Variants in ST6GAL2 observed in about 807,000 individuals in gnomAD.
The protein encoded by ST6GAL2 is beta-galactoside alpha-2,6-sialyltransferase 2.
Under a neutral mutation model 37.5 loss-of-function variants are expected in ST6GAL2, and 24 were observed. The ratio of observed to expected loss-of-function variants is 0.64; its 90% confidence interval spans 0.46 to 0.90. ST6GAL2 has a LOEUF of 0.90. Among genes scored for constraint, ST6GAL2 ranks in the 40% least tolerant of loss-of-function variants. The pLI is 0.00. For synonymous variants in ST6GAL2, 306 were observed against 295.1 expected (o/e 1.04, Z -0.38); for missense variants, 715 against 712.7 (o/e 1.00, Z -0.04).
In ST6GAL2 at chr2:106,821,315, A is replaced by T. The variant is rs569308386; in HGVS notation, c.1318+8751T>A. Among the ~76,000 whole-genome samples the T allele has an allele frequency of 9.4e-4, 142 of 151,648 alleles. No individual in the cohort carries two copies. The Middle Eastern group carries it at 0.014, about 15-fold the overall frequency. ...TGAAAAAGGAGACATAATACAACTG[A>T]TGTCACAAAAATCCAAAGGGTCATT... On this transcript the variant is annotated intron_variant, in intron 5 of 5. Coordinates refer to ENST00000409382, the MANE Select transcript of ST6GAL2 (RefSeq NM_001142351.2).
rs114592914 is a variant in ST6GAL2 at position 106,848,584 on chromosome 2, G to A, written c.-57-4550C>T. 7.3e-3 allele frequency among the ~76,000 whole-genome samples: 1,106 copies of A among 152,298 alleles called. 17 individuals carry two copies. Among genetic ancestry groups the A allele is most frequent in the African/African-American group, 0.025 (1,037 of 41,542 alleles). The stretch of plus-strand genomic sequence containing the variant: ...AGGAGCTCAAAATCTCTGGCCTAGA[G>A]GGCTTGGGGCTGAGAGCCAGTGCCC... On this transcript the variant is annotated intron_variant, in intron 1 of 5. Transcript: ENST00000409382.
At chr2:106,857,807 G>A (rs1677638160) in intron 1 of ST6GAL2, among the ~76,000 whole-genome samples, 1 of 152,110 alleles carries the variant, frequency 6.6e-6, no homozygotes, top group Non-Finnish European at 1.5e-5. Flanking sequence ...GCAGGTGTGA[G>A]CAGCACGGCC....
At chr2:106,864,998 ATAGCC>A (rs1465610025) in intron 1 of ST6GAL2, among the ~76,000 whole-genome samples, 3 of 152,124 alleles carry the variant, frequency 2.0e-5, no homozygotes, top group South Asian at 2.1e-4. Flanking sequence ...CGCTTCCACT[ATAGCC>A]AATTTCAAAC....
intron 5 of ST6GAL2, among the ~76,000 whole-genome samples, chr2:106,810,358 T>C (rs1308308901): frequency 6.6e-6 from 1 of 152,262 alleles, no homozygotes; most frequent in East Asian, 1.9e-4. Context: ...AGTTAGCTCA[T>C]GGCAGTCCAA....
At chr2:106,849,246 C>A (rs1355370071) in intron 1 of ST6GAL2, among the ~76,000 whole-genome samples, 7 of 151,986 alleles carry the variant, frequency 4.6e-5, no homozygotes, top group Non-Finnish European at 8.8e-5. Context: ...ACCCAACAGA[C>A]CCCCTCATGG....
chr2:106,808,415 T>C (rs1448795794), intron 5 of ST6GAL2, among the ~76,000 whole-genome samples: 1 of 152,224 alleles, frequency 6.6e-6, no homozygotes, highest in Non-Finnish European at 1.5e-5. Context: ...AAGGGGATTA[T>C]GCACTTCAAA....
At chr2:106,859,881 TAAAA>T (rs201807631) in intron 1 of ST6GAL2, among the ~76,000 whole-genome samples, 8 of 148,612 alleles carry the variant, frequency 5.4e-5, no homozygotes, top group Non-Finnish European at 1.0e-4. Flanking sequence ...TACTTCAAAT[TAAAA>T]AAAAAAATTA....
intron 5 of ST6GAL2, among the ~76,000 whole-genome samples, chr2:106,814,439 C>T (rs1367004390): frequency 6.6e-6 from 1 of 151,598 alleles, no homozygotes; most frequent in Non-Finnish European, 1.5e-5. Flanking sequence ...AGTGTTTGCA[C>T]CTGTAAGCTT....
intron 1 of ST6GAL2, among the ~76,000 whole-genome samples, chr2:106,858,909 C>A (rs1320832664): frequency 2.0e-5 from 3 of 151,970 alleles, no homozygotes; most frequent in African/African-American, 7.2e-5. Context: ...GGGAGGACAG[C>A]CAGATGGGCC....
At chr2:106,838,084 G>T (rs1323412981) in intron 2 of ST6GAL2, among the ~76,000 whole-genome samples, 1 of 152,148 alleles carries the variant, frequency 6.6e-6, no homozygotes, top group African/African-American at 2.4e-5. Context: ...ACCTGGCTGT[G>T]CATTCCTTGA....
chr2:106,814,907 T>A (rs1227495829), intron 5 of ST6GAL2, among the ~76,000 whole-genome samples: 1 of 152,188 alleles, frequency 6.6e-6, no homozygotes, highest in East Asian at 1.9e-4. Flanking sequence ...AGAGAAATGC[T>A]CTTCATATGT....
At chr2:106,859,852 C>T (rs1423550299) in intron 1 of ST6GAL2, among the ~76,000 whole-genome samples, 3 of 151,976 alleles carry the variant, frequency 2.0e-5, no homozygotes, top group South Asian at 4.2e-4. Context: ...TGTGCTCAAC[C>T]CTCCATTATT....
intron 1 of ST6GAL2, among the ~76,000 whole-genome samples, chr2:106,865,021 G>A (rs1221744651): frequency 2.0e-5 from 3 of 152,070 alleles, no homozygotes; most frequent in African/African-American, 4.8e-5. Context: ...AACTACCAAT[G>A]GGATGTTACT....
At chr2:106,824,041 G>C (rs1321784649) in intron 5 of ST6GAL2, among the ~76,000 whole-genome samples, 3 of 152,158 alleles carry the variant, frequency 2.0e-5, no homozygotes, top group Non-Finnish European at 4.4e-5. Flanking sequence ...AATTGCATCT[G>C]CCCAAATGTT....
chr2:106,835,247 A>T (rs1467669864), intron 2 of ST6GAL2, among the ~76,000 whole-genome samples: 1 of 152,170 alleles, frequency 6.6e-6, no homozygotes, highest in Non-Finnish European at 1.5e-5. Context: ...TCTGTGAGGG[A>T]GAGGTGAAAA....
intron 1 of ST6GAL2, among the ~76,000 whole-genome samples, chr2:106,850,050 C>G (rs879824187): frequency 6.6e-6 from 1 of 152,200 alleles, no homozygotes; most frequent in Non-Finnish European, 1.5e-5. Context: ...TGGTCACTCA[C>G]ATTGGCTCAG....
intron 1 of ST6GAL2, among the ~76,000 whole-genome samples, chr2:106,881,507 T>C (rs1182094249): frequency 6.6e-6 from 1 of 152,188 alleles, no homozygotes; most frequent in East Asian, 1.9e-4. Flanking sequence ...TTTTGGCACA[T>C]AGCAATATAC....
chr2:106,818,114 T>C (rs1355698113), intron 5 of ST6GAL2, among the ~76,000 whole-genome samples: 1 of 152,102 alleles, frequency 6.6e-6, no homozygotes, highest in Non-Finnish European at 1.5e-5. Context: ...CCAGATGGCA[T>C]CTCAAGACCC....
intron 5 of ST6GAL2, among the ~76,000 whole-genome samples, chr2:106,810,608 A>G (rs899113926): frequency 6.6e-6 from 1 of 152,200 alleles, no homozygotes; most frequent in African/African-American, 2.4e-5. Context: ...CTGATACGGA[A>G]TTGGTATGGA....
Sources: gnomAD v4.1 joint callset for allele counts (sites outside exome capture counted in the v4.1 genomes callset) on GRCh38, gnomAD v4.1.1 for gene constraint, MANE v1.5 for transcripts, NCBI Gene and HGNC (gene_info 2026-07-23, HGNC 2026-07-21) for gene names.